Variants in KLHL1 observed in about 807,000 individuals in gnomAD.
The protein encoded by KLHL1 is kelch like family member 1.
KLHL1 carries 47 observed loss-of-function variants against 77.7 expected under a neutral mutation model. That is an observed-to-expected ratio of 0.60 (90% CI 0.48 to 0.77). KLHL1 has a LOEUF of 0.77. Among genes scored for constraint, KLHL1 ranks in the 30% least tolerant of loss-of-function variants. KLHL1 has a pLI of 0.00. For synonymous variants in KLHL1, 360 were observed against 325.2 expected (o/e 1.11, Z -1.15); for missense variants, 925 against 910.8 (o/e 1.02, Z -0.20).
chr13:69,805,041 A>G (rs1360596607), intron 6 of KLHL1, among the ~76,000 whole-genome samples: 1 of 152,080 alleles, frequency 6.6e-6, no homozygotes, highest in Non-Finnish European at 1.5e-5. Flanking sequence ...AAGTTTTAGT[A>G]TAACATTTTT....
intron 1 of KLHL1, among the ~76,000 whole-genome samples, chr13:70,033,497 T>C (rs986145219): frequency 1.1e-4 from 16 of 151,388 alleles, no homozygotes; most frequent in South Asian, 1.0e-3. Context: ...TTAGTAGAGA[T>C]GGGGTTTCAC....
At chr13:70,072,759 G>A (rs758832782) in intron 1 of KLHL1, among the ~76,000 whole-genome samples, 1 of 151,974 alleles carries the variant, frequency 6.6e-6, no homozygotes, top group Non-Finnish European at 1.5e-5. Flanking sequence ...TATGATAAAA[G>A]TGCTCAGCTG....
chr13:69,830,599 T>C (rs1878724978), intron 6 of KLHL1, among the ~76,000 whole-genome samples: 1 of 150,218 alleles, frequency 6.7e-6, no homozygotes, highest in Non-Finnish European at 1.5e-5. Flanking sequence ...ACAAATGGAC[T>C]TAACAGATAT....
chr13:69,935,664 A>C (rs1032783012), intron 4 of KLHL1, among the ~76,000 whole-genome samples: 3 of 152,150 alleles, frequency 2.0e-5, no homozygotes, highest in Admixed American at 2.0e-4. Context: ...AAGAACAAGC[A>C]CAAGACTCCA....
intron 4 of KLHL1, among the ~76,000 whole-genome samples, chr13:69,883,540 A>G (rs1290538675): frequency 2.0e-5 from 3 of 152,190 alleles, no homozygotes; most frequent in Non-Finnish European, 2.9e-5. Flanking sequence ...CACAGCAGAT[A>G]CCACACTGCA....
intron 1 of KLHL1, among the ~76,000 whole-genome samples, chr13:70,084,476 T>TTTTTTTTTTTTG (rs1566562192): frequency 1.4e-5 from 2 of 146,848 alleles, no homozygotes; most frequent in African/African-American, 5.0e-5. Flanking sequence ...TTTTTTTTTT[T>TTTTTTTTTTTTG]TGAGACGGAG....
At chr13:69,818,348 G>A (rs947292016) in intron 6 of KLHL1, among the ~76,000 whole-genome samples, 1 of 151,142 alleles carries the variant, frequency 6.6e-6, no homozygotes, top group Non-Finnish European at 1.5e-5. Context: ...AGCCTCCTGA[G>A]TAGCTGGGAT....
chr13:69,906,784 A>G (rs1882060286), intron 4 of KLHL1, among the ~76,000 whole-genome samples: 2 of 151,974 alleles, frequency 1.3e-5, no homozygotes, highest in Non-Finnish European at 2.9e-5. Flanking sequence ...TTTATTACAC[A>G]TACTTTTGAC....
intron 1 of KLHL1, among the ~76,000 whole-genome samples, chr13:70,090,050 C>T (rs976487677): frequency 6.6e-6 from 1 of 152,010 alleles, no homozygotes; most frequent in African/African-American, 2.4e-5. Flanking sequence ...TAGAATTAAT[C>T]GTCATAGAAT....
intron 1 of KLHL1, among the ~76,000 whole-genome samples, chr13:69,979,364 C>A (rs1433434169): frequency 2.6e-5 from 4 of 151,934 alleles, no homozygotes; most frequent in African/African-American, 7.2e-5. Flanking sequence ...TGATCTAAGA[C>A]TTTAGCAGGA....
At chr13:69,755,698 TAA>T (rs758478225) in intron 7 of KLHL1, among the ~76,000 whole-genome samples, 6 of 150,868 alleles carry the variant, frequency 4.0e-5, no homozygotes, top group Non-Finnish European at 8.9e-5. Flanking sequence ...CATTTCACGT[TAA>T]AAAGTCATTC....
At chr13:69,738,112 A>G (rs1386479305) in intron 8 of KLHL1, among the ~76,000 whole-genome samples, 1 of 152,156 alleles carries the variant, frequency 6.6e-6, no homozygotes, top group East Asian at 1.9e-4. Context: ...GGCAGATAGC[A>G]TCTGAAGTGG....
At chr13:69,938,246 A>T (rs1490403572) in intron 4 of KLHL1, among the ~76,000 whole-genome samples, 1 of 152,168 alleles carries the variant, frequency 6.6e-6, no homozygotes, top group African/African-American at 2.4e-5. Context: ...TGGTTACCAT[A>T]AACATCTATA....
intron 1 of KLHL1, among the ~76,000 whole-genome samples, chr13:70,033,896 C>A (rs186534339): frequency 2.0e-5 from 3 of 152,178 alleles, no homozygotes; most frequent in Admixed American, 2.0e-4. Context: ...CAGGCGTTAG[C>A]CACTGCACCT....
At chr13:69,978,484 GA>G (rs1884611723) in intron 1 of KLHL1, among the ~76,000 whole-genome samples, 1 of 63,574 alleles carries the variant, frequency 1.6e-5, no homozygotes, top group Non-Finnish European at 2.8e-5. Context: ...ATTCTGGTCA[GA>G]ATATTTTTTT....
intron 9 of KLHL1, among the ~76,000 whole-genome samples, chr13:69,713,968 T>G (rs1321682496): frequency 6.6e-6 from 1 of 152,126 alleles, no homozygotes; most frequent in African/African-American, 2.4e-5. Flanking sequence ...CCTCAATATA[T>G]TCAGGGTGTT....
At chr13:70,063,916 T>C (rs1017390467) in intron 1 of KLHL1, among the ~76,000 whole-genome samples, 3 of 152,088 alleles carry the variant, frequency 2.0e-5, no homozygotes, top group Non-Finnish European at 4.4e-5. Flanking sequence ...TTTTTCTTCC[T>C]AGGGTTTAAG....
intron 7 of KLHL1, among the ~76,000 whole-genome samples, chr13:69,773,106 G>A (rs979134666): frequency 7.9e-5 from 12 of 151,968 alleles, no homozygotes; most frequent in Non-Finnish European, 4.4e-5. Flanking sequence ...GGTGTGCAAT[G>A]TCCTCTAATG....
chr13:69,992,275 G>A (rs1447243692), intron 1 of KLHL1, among the ~76,000 whole-genome samples: 1 of 151,812 alleles, frequency 6.6e-6, no homozygotes, highest in Non-Finnish European at 1.5e-5. Flanking sequence ...TGATATTCTA[G>A]GACTGAAAGA....
Sources: gnomAD v4.1 joint callset for allele counts (sites outside exome capture counted in the v4.1 genomes callset) on GRCh38, gnomAD v4.1.1 for gene constraint, MANE v1.5 for transcripts, NCBI Gene and HGNC (gene_info 2026-07-23, HGNC 2026-07-21) for gene names.